Variants in CSMD1 observed in about 807,000 individuals in gnomAD.
CSMD1 encodes the protein CUB and Sushi multiple domains 1.
Under a neutral mutation model 417.5 loss-of-function variants are expected in CSMD1, and 213 were observed. The observed-to-expected ratio is 0.51, with a 90% CI of 0.46 to 0.57. The LOEUF (loss-of-function observed/expected upper bound fraction) is 0.57. Ranked by LOEUF, CSMD1 falls within the 20% of genes least tolerant of loss-of-function variation. CSMD1 has a pLI of 0.00. For synonymous variants in CSMD1, 2,862 were observed against 1,736.8 expected, an observed-to-expected ratio of 1.65 and a Z score of -16.11; for missense variants, 6,923 against 4,529.7, an observed-to-expected ratio of 1.53 and a Z score of -15.17.
intron 3 of CSMD1, among the ~76,000 whole-genome samples, chr8:4,076,337 G>C (rs1025542985): frequency 6.6e-6 from 1 of 152,174 alleles, no homozygotes; most frequent in Non-Finnish European, 1.5e-5. Flanking sequence ...GCAGAACTGT[G>C]TGTCAATCAA....
At chr8:4,593,063 C>G (rs1290196032) in intron 2 of CSMD1, among the ~76,000 whole-genome samples, 1 of 152,140 alleles carries the variant, frequency 6.6e-6, no homozygotes, top group Non-Finnish European at 1.5e-5. Context: ...CTGGTGTCAT[C>G]TCATCCTGCG....
intron 7 of CSMD1, among the ~76,000 whole-genome samples, chr8:3,626,848 A>G (rs1584982158): frequency 6.7e-6 from 1 of 149,646 alleles, no homozygotes; most frequent in East Asian, 1.9e-4. Context: ...TATATACAAT[A>G]AATAAGTGTA....
At chr8:4,313,971 G>GCA (rs934507288) in intron 3 of CSMD1, among the ~76,000 whole-genome samples, 18 of 151,684 alleles carry the variant, frequency 1.2e-4, no homozygotes, top group Admixed American at 4.6e-4. Flanking sequence ...CCGAGACTGC[G>GCA]CCCCTGCACT....
intron 8 of CSMD1, among the ~76,000 whole-genome samples, chr8:3,593,564 G>C (rs1053304827): frequency 6.6e-6 from 1 of 152,188 alleles, no homozygotes; most frequent in African/African-American, 2.4e-5. Context: ...GGGATGTCCA[G>C]ATCTGACTTT....
chr8:4,138,727 T>A (rs78628718), intron 3 of CSMD1, among the ~76,000 whole-genome samples: 45,071 of 152,092 alleles, frequency 0.3, 8,118 homozygotes, highest in Non-Finnish European at 0.39. Flanking sequence ...AGTGCCAATT[T>A]AACTAGAGGA....
intron 2 of CSMD1, among the ~76,000 whole-genome samples, chr8:4,606,223 G>A (rs994646542): frequency 2.0e-5 from 3 of 152,102 alleles, no homozygotes; most frequent in Admixed American, 6.5e-5. Flanking sequence ...TCTAAGAGTT[G>A]GAAGGAGAAA....
intron 3 of CSMD1, among the ~76,000 whole-genome samples, chr8:4,221,022 G>T (rs1376486171): frequency 6.6e-6 from 1 of 152,132 alleles, no homozygotes; most frequent in Non-Finnish European, 1.5e-5. Flanking sequence ...GCAGGAGGAG[G>T]CCAGTGATTG....
At chr8:4,260,122 T>A (rs1450057868) in intron 3 of CSMD1, among the ~76,000 whole-genome samples, 3 of 152,126 alleles carry the variant, frequency 2.0e-5, no homozygotes, top group African/African-American at 7.2e-5. Context: ...AACAAATTGC[T>A]AAGTCAATGC....
At chr8:3,455,615 T>C (rs1816068765) in intron 12 of CSMD1, among the ~76,000 whole-genome samples, 1 of 152,236 alleles carries the variant, frequency 6.6e-6, no homozygotes, top group South Asian at 2.1e-4. Flanking sequence ...CAGCAGAGGC[T>C]GCAGAACAGT....
At chr8:3,388,246 C>G (rs1325028322) in intron 17 of CSMD1, among the ~76,000 whole-genome samples, 1 of 152,164 alleles carries the variant, frequency 6.6e-6, no homozygotes, top group African/African-American at 2.4e-5. Context: ...AAGTCAGCCA[C>G]TTGCAAGATA....
chr8:3,971,002 C>A (rs779750706), intron 5 of CSMD1, among the ~76,000 whole-genome samples: 1 of 152,182 alleles, frequency 6.6e-6, no homozygotes, highest in Non-Finnish European at 1.5e-5. Context: ...CCCCCCGCCT[C>A]AGACTCCCAA....
intron 12 of CSMD1, among the ~76,000 whole-genome samples, chr8:3,448,420 G>GAGGGAGGGAGAGAGGGAGGGAGGGGA (rs1815469689): frequency 6.7e-6 from 1 of 148,230 alleles, no homozygotes; most frequent in Non-Finnish European, 1.5e-5. Context: ...GGAAGGAAGG[G>GAGGGAGGGAGAGAGGGAGGGAGGGGA]AAGGAAGAAG....
At chr8:4,341,724 A>C (rs1358740119) in intron 3 of CSMD1, among the ~76,000 whole-genome samples, 1 of 152,148 alleles carries the variant, frequency 6.6e-6, no homozygotes, top group African/African-American at 2.4e-5. Flanking sequence ...ATGTTTTTTC[A>C]ACAAATTAGA....
At chr8:4,322,201 T>G (rs952862851) in intron 3 of CSMD1, among the ~76,000 whole-genome samples, 23 of 152,256 alleles carry the variant, frequency 1.5e-4, no homozygotes, top group Non-Finnish European at 3.2e-4. Flanking sequence ...CCTTTCACTC[T>G]ATGGTTCCAT....
intron 2 of CSMD1, among the ~76,000 whole-genome samples, chr8:4,518,633 G>A (rs576710332): frequency 5.0e-5 from 7 of 140,504 alleles, no homozygotes; most frequent in Non-Finnish European, 1.1e-4. Context: ...GGGGGCGGGG[G>A]GAGGAATCGC....
intron 2 of CSMD1, among the ~76,000 whole-genome samples, chr8:4,636,019 T>A (rs1802793237): frequency 6.6e-6 from 1 of 151,978 alleles, no homozygotes; most frequent in Non-Finnish European, 1.5e-5. Context: ...TATTAATGAA[T>A]ATATTTTATA....
chr8:4,806,463 C>T (rs28590213), intron 1 of CSMD1, among the ~76,000 whole-genome samples: 5,854 of 152,288 alleles, frequency 0.038, 260 homozygotes, highest in East Asian at 0.23. Context: ...CTGCTTCCCA[C>T]GCCCATCTGT....
intron 1 of CSMD1, among the ~76,000 whole-genome samples, chr8:4,666,407 C>T (rs1328905800): frequency 6.6e-6 from 1 of 152,078 alleles, no homozygotes; most frequent in Non-Finnish European, 1.5e-5. Context: ...ACTCAATCAG[C>T]AACTACTGGT....
chr8:4,611,868 T>A (rs1229252801), intron 2 of CSMD1, among the ~76,000 whole-genome samples: 1 of 152,204 alleles, frequency 6.6e-6, no homozygotes, highest in Non-Finnish European at 1.5e-5. Context: ...GCCTGCCACC[T>A]TCATAATGCA....
Sources: allele counts gnomAD v4.1 joint callset (sites outside exome capture counted in the v4.1 genomes callset), GRCh38; gene constraint gnomAD v4.1.1; transcripts MANE v1.5; gene names NCBI Gene and HGNC (gene_info 2026-07-23, HGNC 2026-07-21).